DMD: variants seen among roughly 807,000 people sequenced by gnomAD.
The protein encoded by DMD is mutant dystrophin.
In DMD, 63 loss-of-function variants were observed where a neutral mutation model predicts 330.1. That is an observed-to-expected ratio of 0.19 (90% CI 0.16 to 0.24). The LOEUF (loss-of-function observed/expected upper bound fraction) is 0.24, where lower values mean the gene tolerates loss of function less well. Ranked by LOEUF, DMD falls within the 10% of genes least tolerant of loss-of-function variation. The probability of loss-of-function intolerance (pLI) is 1.00; values close to 1 mark genes in which losing one functional copy is unlikely to be tolerated. For missense variants in DMD, 3,344 were observed against 2,684.1 expected (o/e 1.25, Z -5.43); for synonymous variants, 1,223 against 959.8 (o/e 1.27, Z -5.07).
intron 1 of DMD, among the ~76,000 whole-genome samples, chrX:33,258,008 A>G (rs772859243): frequency 2.3e-4 from 26 of 111,281 alleles, no homozygotes; most frequent in Non-Finnish European, 4.2e-4. Flanking sequence ...TTGTGTAACC[A>G]GTTTCCAAAA....
At chrX:33,317,509 C>A (rs373607094) in intron 1 of DMD, among the ~76,000 whole-genome samples, 14 of 111,279 alleles carry the variant, frequency 1.3e-4, no homozygotes, top group East Asian at 8.5e-4. Flanking sequence ...CCAAATAACT[C>A]CTTTTATTTA....
chrX:31,685,628 A>C (rs1298372809), intron 52 of DMD, among the ~76,000 whole-genome samples: 1 of 112,403 alleles, frequency 8.9e-6, no homozygotes, highest in East Asian at 2.8e-4. Flanking sequence ...AGATGCTGTC[A>C]GGGCCCATCT....
intron 5 of DMD, among the ~76,000 whole-genome samples, chrX:32,820,542 A>G (rs2148830206): frequency 8.9e-6 from 1 of 112,533 alleles, no homozygotes; most frequent in Admixed American, 9.4e-5. Context: ...GGACTAGTTC[A>G]GATGGAGTTG....
At chrX:32,182,626 A>G (rs1176446454) in intron 44 of DMD, among the ~76,000 whole-genome samples, 1 of 111,601 alleles carries the variant, frequency 9.0e-6, no homozygotes, top group Non-Finnish European at 1.9e-5. Flanking sequence ...AATTGTATTA[A>G]TAAGATTTTT....
intron 7 of DMD, among the ~76,000 whole-genome samples, chrX:32,731,277 G>C (rs957975870): frequency 8.9e-6 from 1 of 112,238 alleles, no homozygotes; most frequent in Non-Finnish European, 1.9e-5. Flanking sequence ...ACGGAATCTC[G>C]CTGATTGCTA....
chrX:31,596,015 A>G (rs1379903286), intron 55 of DMD, among the ~76,000 whole-genome samples: 3 of 111,832 alleles, frequency 2.7e-5, no homozygotes, highest in Non-Finnish European at 3.8e-5. Flanking sequence ...AAAAAGCAAA[A>G]GTTAATAAAG....
intron 52 of DMD, among the ~76,000 whole-genome samples, chrX:31,681,457 C>T (rs1459740393): frequency 8.9e-6 from 1 of 112,228 alleles, no homozygotes. Context: ...GAGCAATAAC[C>T]TTTTGTCAAA....
intron 52 of DMD, among the ~76,000 whole-genome samples, chrX:31,728,091 C>T (rs1470707268): frequency 1.8e-5 from 2 of 112,345 alleles, no homozygotes; most frequent in African/African-American, 3.2e-5. Flanking sequence ...GGCGCAATCT[C>T]GGCTCACTGC....
intron 54 of DMD, among the ~76,000 whole-genome samples, chrX:31,647,954 C>T (rs1010016553): frequency 1.1e-4 from 12 of 112,199 alleles, no homozygotes; most frequent in Admixed American, 2.8e-4. Flanking sequence ...TGATGACAGA[C>T]GGAATGACCA....
intron 43 of DMD, among the ~76,000 whole-genome samples, chrX:32,237,577 C>G (rs763547941): frequency 9.0e-6 from 1 of 111,478 alleles, no homozygotes; most frequent in Admixed American, 9.6e-5. Flanking sequence ...TCTCTTACCT[C>G]TCTTAAAAAT....
chrX:31,501,849 G>A (rs2070438774), intron 56 of DMD, among the ~76,000 whole-genome samples: 1 of 111,095 alleles, frequency 9.0e-6, no homozygotes, highest in Non-Finnish European at 1.9e-5. Context: ...TAATAAAATA[G>A]CACTTAAACA....
intron 52 of DMD, among the ~76,000 whole-genome samples, chrX:31,715,542 CAA>C (rs34808252): frequency 1.2e-4 from 6 of 50,513 alleles, no homozygotes; most frequent in Middle Eastern, 0.011. Context: ...AACTCCGTCT[CAA>C]AAAAAAAAAA....
At chrX:32,439,119 G>A (rs774689241) in intron 28 of DMD, among the ~76,000 whole-genome samples, 8 of 111,495 alleles carry the variant, frequency 7.2e-5, no homozygotes, top group Non-Finnish European at 1.1e-4. Context: ...GAAAACAAGG[G>A]ATTCAATTTC....
intron 1 of DMD, among the ~76,000 whole-genome samples, chrX:33,204,682 G>C (rs1413796989): frequency 2.7e-5 from 3 of 111,340 alleles, no homozygotes; most frequent in Non-Finnish European, 5.6e-5. Context: ...CCAGAGCATA[G>C]CACAGTACCT....
intron 76 of DMD, 52 bp downstream of exon 76, chrX:31,146,239 C>T (rs533890798): frequency 1.9e-5 from 23 of 1,188,836 alleles, no homozygotes; most frequent in Admixed American, 1.1e-4. Context: ...CCCTGTAATA[C>T]GACTCTACCT....
intron 1 of DMD, among the ~76,000 whole-genome samples, chrX:33,231,679 A>G (rs138412365): frequency 4.4e-3 from 489 of 111,552 alleles, no homozygotes; most frequent in Non-Finnish European, 7.0e-3. Flanking sequence ...ATTGTGATAT[A>G]CCTTTCCCAG....
intron 20 of DMD, among the ~76,000 whole-genome samples, chrX:32,488,122 G>A (rs2042654646): frequency 2.7e-5 from 3 of 111,555 alleles, no homozygotes; most frequent in Non-Finnish European, 3.8e-5. Flanking sequence ...TTGGGCAAAT[G>A]TTCAGTTGAG....
At chrX:33,001,613 A>T (rs999630863) in intron 2 of DMD, among the ~76,000 whole-genome samples, 4 of 111,635 alleles carry the variant, frequency 3.6e-5, no homozygotes, top group African/African-American at 1.3e-4. Context: ...TGTTTTGTGT[A>T]TTATTATTAG....
intron 60 of DMD, among the ~76,000 whole-genome samples, chrX:31,443,248 G>A (rs984408188): frequency 5.4e-5 from 6 of 110,825 alleles, no homozygotes; most frequent in East Asian, 2.9e-4. Flanking sequence ...GAAGGTAGAC[G>A]CACCTCTTCC....
Sources: allele counts gnomAD v4.1 joint callset (sites outside exome capture counted in the v4.1 genomes callset), GRCh38; gene constraint gnomAD v4.1.1; transcripts MANE v1.5; gene names NCBI Gene and HGNC (gene_info 2026-07-23, HGNC 2026-07-21).